The following INTS10 variants were observed in gnomAD, a reference collection of about 807,000 sequenced individuals.
INTS10 encodes chromosome 8 open reading frame 35.
A neutral mutation model predicts 94.4 loss-of-function variants in INTS10; 44 were observed. That is an observed-to-expected ratio of 0.47 (90% CI 0.37 to 0.60). The LOEUF is 0.60. INTS10 is among the 20% of genes least tolerant of loss of function. The pLI, the probability that INTS10 is intolerant of heterozygous loss-of-function variation, is 0.00. For missense variants in INTS10, 797 were observed against 868.7 expected (o/e 0.92, Z 1.04); for synonymous variants, 341 against 320.7 (o/e 1.06, Z -0.68).
chr8:19,839,440 C>T (rs890106408), intron 13 of INTS10, among the ~76,000 whole-genome samples: 4 of 152,126 alleles, frequency 2.6e-5, no homozygotes, highest in African/African-American at 9.7e-5. Context: ...TGGCTTATGC[C>T]TGTAATCCCC....
In INTS10 at chr8:19,851,726, G is replaced by A. The variant is rs200189295; in HGVS notation, c.2054G>A (p.Arg685His). The A allele has an allele frequency of 1.0e-4, 166 of 1,613,638 alleles. No individual in the cohort carries two copies. The highest frequency in any genetic ancestry group is 1.3e-4 in the Non-Finnish European group (155 of 1,179,658). Residue 685 changes from arginine to histidine, a missense_variant, in exon 17 of 17, where the codon CGC (arginine) becomes CAC (histidine). Arg to His is a conservative substitution (Grantham distance 29, BLOSUM62 0). Coordinates refer to ENST00000397977, the MANE Select transcript of INTS10 (RefSeq NM_018142.4). This position sits in a 1 kb window ranked among gnomAD's most constrained non-coding sequence, Gnocchi z 5.0. ...FRLAMERQVS[R>H]CGENLMVVLH... ...CTGGCCATGGAGCGCCAGGTCTCCC[G>A]CTGTGGAGAGAATCTGATGGTGGTT... is the stretch of plus-strand genomic sequence containing the variant.
Position 19,817,467 on chromosome 8 carries a change from C to T in INTS10, c.-71C>T, listed in dbSNP as rs2066000949. 2.0e-6 allele frequency: 3 copies of T among 1,532,352 alleles called. No homozygotes were observed. The highest frequency in any genetic ancestry group is 1.4e-5 in the African/African-American group (1 of 73,196). The allele number at this position is 1,532,352 out of a possible 1,614,324, so 94.9% of individuals were successfully genotyped here. ...GTGGCGGCGGCGGCGGCGGTGGCTG[C>T]CGTGGCGGCTGAGAGTCCAGAGCCG... On this transcript the variant is annotated 5_prime_UTR_variant, in exon 1 of 17. Coordinates refer to ENST00000397977, the MANE Select transcript of INTS10 (RefSeq NM_018142.4).
At chr8:19,833,386 C>T (rs2067398000) in intron 12 of INTS10, 65 bp downstream of exon 12, 2 of 1,280,654 alleles carry the variant, frequency 1.6e-6, no homozygotes, top group Non-Finnish European at 2.1e-6. Context: ...TCTCCTTTCC[C>T]TAGCGTGGCT....
intron 11 of INTS10, 55 bp from the exon 12 acceptor site, chr8:19,833,114 A>ATTTTTT (rs1416702626): frequency 3.0e-5 from 44 of 1,443,444 alleles, no homozygotes; most frequent in Non-Finnish European, 3.7e-5. Flanking sequence ...TATTTTTTAA[A>ATTTTTT]TTTCTTTTTT....
At position 19,849,855 on chromosome 8, in the gene INTS10, C is replaced by G. The variant is rs922014686; in HGVS notation, c.1977-1794C>G. On this transcript the variant is annotated intron_variant, in intron 16 of 16. Transcript: ENST00000397977. The surrounding 1 kb of genome is among the most constrained non-coding windows in gnomAD (Gnocchi z 4.6). ...CAAACTTACCAAAGTGATAGTGCTTCTAATAGAAATATAATTGAATTGTGC... is the reference window on the plus strand; with the variant it reads ...CAAACTTACCAAAGTGATAGTGCTTGTAATAGAAATATAATTGAATTGTGC... Among the ~76,000 whole-genome samples, 5 of 152,224 alleles carry G rather than the reference C, an allele frequency of 3.3e-5. No homozygotes were observed. Among genetic ancestry groups the G allele is most frequent in the Non-Finnish European group, 7.3e-5 (5 of 68,032 alleles).
intron 13 of INTS10, among the ~76,000 whole-genome samples, chr8:19,840,268 T>C (rs2068027061): frequency 6.6e-6 from 1 of 152,170 alleles, no homozygotes; most frequent in Non-Finnish European, 1.5e-5. Flanking sequence ...AAAACATTTC[T>C]GAGAAAAATT....
intron 13 of INTS10, 64 bp from the exon 14 acceptor site, chr8:19,842,784 G>T (rs1412221360): frequency 1.0e-6 from 1 of 998,034 alleles, no homozygotes; most frequent in East Asian, 2.4e-5. Context: ...TTAAACAGTT[G>T]CCTTTCAAAG....
rs2067373463 is a variant in INTS10, at chr8:19,833,154, TTCTA to T, written c.1378-11_1378-8del. On this transcript the variant is annotated splice_polypyrimidine_tract_variant and intron_variant, in intron 11 of 16. Transcript: ENST00000397977. Reference sequence around the variant, plus strand: ...AGCGATGCTTTTCCCCTCCTTGCTATTCTATCTTTCTTAGGGTCAATATAAAAAG... The same window carrying T: ...AGCGATGCTTTTCCCCTCCTTGCTATTCTTTCTTAGGGTCAATATAAAAAG... The T allele has an allele frequency of 6.5e-7, 1 of 1,528,514 alleles. No individual in the cohort carries two copies. Among genetic ancestry groups the T allele is most frequent in the African/African-American group, 1.4e-5 (1 of 70,354 alleles). 94.7% of individuals were successfully genotyped at this position (1,528,514 alleles called of 1,614,324 possible).
chr8:19,842,730 G>T, intron 13 of INTS10, 118 bp from the exon 14 acceptor site: 1 of 601,764 alleles, frequency 1.7e-6, no homozygotes. Flanking sequence ...GAAATTGTGT[G>T]ACTGTTGCAT....
rs760607183 is a variant in INTS10, at chr8:19,819,687, T to C, written c.301+11T>C. ...CCCAATTTTTAAGAAGTAAGAATAA[T>C]GGTGTATAAGTTACCATTTCGGGAA... On this transcript the variant is annotated intron_variant, in intron 3 of 16. Coordinates refer to ENST00000397977, the MANE Select transcript of INTS10 (RefSeq NM_018142.4). 6.3e-7 allele frequency: 1 copy of C among 1,582,154 alleles called. No individual in the cohort carries two copies. Among genetic ancestry groups the C allele is most frequent in the Admixed American group, 1.7e-5 (1 of 59,930 alleles).
intron 1 of INTS10, 81 bp from the exon 2 acceptor site, chr8:19,818,194 G>C (rs1277024817): frequency 2.9e-6 from 4 of 1,364,872 alleles, no homozygotes; most frequent in Non-Finnish European, 4.2e-6. Flanking sequence ...CTTCCTGCAG[G>C]AGGGCCAACG....
intron 13 of INTS10, among the ~76,000 whole-genome samples, chr8:19,838,706 A>G (rs2067868928): frequency 6.6e-6 from 1 of 152,224 alleles, no homozygotes; most frequent in Non-Finnish European, 1.5e-5. Context: ...ATATTAGCAA[A>G]TTGAATACAG....
Position 19,819,662 on chromosome 8 carries a change from C to T in INTS10, c.287C>T (p.Thr96Ile). ...AGGAACGATTCACAGGACAAACAAA[C>T]CCAATTTTTAAGAAGTAAGAATAAT... Reference protein sequence around the residue: ...ALRNDSQDKQTQFLRSLFETL... With the variant: ...ALRNDSQDKQIQFLRSLFETL... Residue 96 changes from threonine to isoleucine, a missense_variant, in exon 3 of 17, where the codon ACC becomes ATC. Around this residue, in one of 3 missense-constraint regions of INTS10, gnomAD observed 734 missense variants for 787.8 expected, o/e 0.93. Transcript: ENST00000397977. 5 of 1,611,300 alleles carry T rather than the reference C, an allele frequency of 3.1e-6. No homozygotes were observed. The highest frequency in any genetic ancestry group is 4.2e-6 in the Non-Finnish European group (5 of 1,177,798).
chr8:19,841,363 A>C (rs1382254251), intron 13 of INTS10, among the ~76,000 whole-genome samples: 2 of 152,184 alleles, frequency 1.3e-5, no homozygotes, highest in Non-Finnish European at 2.9e-5. Flanking sequence ...TGTTACAATC[A>C]AAGTGAAAAG....
At chr8:19,820,594 G>C (rs972052364) in intron 4 of INTS10, 76 bp downstream of exon 4, 7 of 1,325,648 alleles carry the variant, frequency 5.3e-6, no homozygotes, top group East Asian at 4.9e-5. Flanking sequence ...ATGGTGAGGA[G>C]CTACAAAGCA....
chr8:19,821,615 A>G (rs1325744184), intron 4 of INTS10: 1 of 152,118 alleles, frequency 6.6e-6, no homozygotes, highest in African/African-American at 2.4e-5. Flanking sequence ...GCCATGTTAT[A>G]AGGACACTAG....
rs185554894 is a variant in INTS10 at position 19,848,566 on chromosome 8, T to C, written c.1976+2769T>C. On this transcript the variant is annotated intron_variant, in intron 16 of 16. Coordinates refer to ENST00000397977, the MANE Select transcript of INTS10 (RefSeq NM_018142.4). ...CACCAGCTAATACACTAAATCTTTG[T>C]TGTTACAGAATTCTGCACAGCCATG... 1.5e-3 allele frequency among the ~76,000 whole-genome samples: 221 copies of C among 152,320 alleles called. 1 individual carries two copies. The highest frequency in any genetic ancestry group is 6.8e-3 in the Middle Eastern group (2 of 294).
At position 19,851,922 on chromosome 8, in the gene INTS10, C is replaced by T; in HGVS notation, c.*117C>T. ...TTGTTGCTGTTACAAAGAAGAAAAC[C>T]ATCTGAGTTCTAACTCCTTGGTTGC... On this transcript the variant is annotated 3_prime_UTR_variant, in exon 17 of 17. Transcript: ENST00000397977. The surrounding 1 kb of genome is among the most constrained non-coding windows in gnomAD (Gnocchi z 5.0). 1 of 834,096 alleles carries T rather than the reference C, an allele frequency of 1.2e-6. No homozygotes were observed. Among genetic ancestry groups the T allele is most frequent in the East Asian group, 2.7e-5 (1 of 37,366 alleles). The allele number at this position is 834,096 out of a possible 1,614,324, so 51.7% of individuals were successfully genotyped here.
intron 3 of INTS10, among the ~76,000 whole-genome samples, chr8:19,820,147 C>T (rs965228101): frequency 5.3e-5 from 8 of 151,780 alleles, no homozygotes; most frequent in African/African-American, 1.9e-4. Context: ...TCACATACAT[C>T]ATTGTTTTTT....
Sources: gnomAD v4.1 joint callset for allele counts (sites outside exome capture counted in the v4.1 genomes callset) on GRCh38, gnomAD v4.1.1 for gene constraint, gnomAD v4.1.1 regional missense constraint, Gnocchi (gnomAD v3.1) non-coding constraint, MANE v1.5 for transcripts, NCBI Gene and HGNC (gene_info 2026-07-23, HGNC 2026-07-21) for gene names.